ATF6: variants seen among roughly 807,000 people sequenced by gnomAD.
ATF6 encodes cyclic AMP-dependent transcription factor ATF-6 alpha.
In ATF6, 53 loss-of-function variants were observed where a neutral mutation model predicts 83.6. The ratio of observed to expected loss-of-function variants is 0.63; its 90% CI spans 0.51 to 0.80. The LOEUF is 0.80. Among genes scored for constraint, ATF6 ranks in the 30% least tolerant of loss-of-function variants. The pLI is 0.00. For missense variants in ATF6, 744 were observed against 797.9 expected (o/e 0.93, Z 0.81); for synonymous variants, 288 against 285.8 (o/e 1.01, Z -0.08).
chr1:161,831,338 C>G (rs1224965082), intron 9 of ATF6, among the ~76,000 whole-genome samples: 3 of 152,202 alleles, frequency 2.0e-5, no homozygotes, highest in Non-Finnish European at 4.4e-5. Context: ...CACTTTTACA[C>G]TGTTGGTGGG....
intron 2 of ATF6, among the ~76,000 whole-genome samples, chr1:161,780,712 GT>G (rs1326454513): frequency 6.6e-6 from 1 of 150,836 alleles, no homozygotes; most frequent in Non-Finnish European, 1.5e-5. Flanking sequence ...TGTTGTTGTT[GT>G]TTTGTTTTGT....
chr1:161,934,918 A>G (rs560343659), intron 15 of ATF6, among the ~76,000 whole-genome samples: 3 of 152,332 alleles, frequency 2.0e-5, no homozygotes, highest in Admixed American at 2.0e-4. Context: ...TCCCCAAAAC[A>G]GAATTACTTC....
intron 12 of ATF6, among the ~76,000 whole-genome samples, chr1:161,853,828 A>G (rs931778): frequency 0.49 from 75,172 of 151,976 alleles, 22,518 homozygotes; most frequent in Middle Eastern, 0.66. Flanking sequence ...GCCACAAAAC[A>G]CCATTAAGTC....
chr1:161,899,678 T>C (rs1341050812), intron 14 of ATF6, among the ~76,000 whole-genome samples: 2 of 152,208 alleles, frequency 1.3e-5, no homozygotes, highest in Admixed American at 6.5e-5. Context: ...AAAGTAAGTG[T>C]AGTCAACTCA....
intron 15 of ATF6, among the ~76,000 whole-genome samples, chr1:161,931,165 G>A (rs951982478): frequency 9.9e-5 from 15 of 152,244 alleles, no homozygotes; most frequent in South Asian, 6.2e-4. Context: ...GTGAGCCACC[G>A]CACCTGGCTG....
In ATF6 at chr1:161,821,156, T is replaced by A; in HGVS notation, c.1182T>A (p.Pro394=). 6.3e-7 allele frequency: 1 copy of A among 1,596,870 alleles called. No homozygotes were observed. The highest frequency in any genetic ancestry group is 8.6e-7 in the Non-Finnish European group (1 of 1,169,336). The change falls in exon 9 of 16, where the codon CCT becomes CCA. Residue 394 remains proline (P), a synonymous_variant. Coordinates refer to ENST00000367942, the MANE Select transcript of ATF6 (RefSeq NM_007348.4). ...CATTTATAATACTGAACTATGGACC[T>A]ATGAGGTAAGTGAATAGATATTTAT... ...VLAFIILNYG[P]MSMLEQDSRR... is the part of the protein sequence containing the mutation.
chr1:161,802,160 C>T lies in ATF6; in HGVS notation c.797C>T (p.Pro266Leu), dbSNP rs200983247. Reference protein sequence around the residue: ...LAVAGGVTQLPNHVVNVVPAP... With the variant: ...LAVAGGVTQLLNHVVNVVPAP... ...GTTGCTGGGGGAGTCACACAGCTCCCTAATCACGTGGTGAATGTGGTACCA... is the reference window on the plus strand; with the variant it reads ...GTTGCTGGGGGAGTCACACAGCTCCTTAATCACGTGGTGAATGTGGTACCA... The change falls in exon 7 of 16, where the codon CCT becomes CTT. Residue 266 changes from proline to leucine, a missense_variant. By Grantham distance (98) the Pro-to-Leu change is moderately conservative. Transcript: ENST00000367942. 19 of 1,613,988 alleles carry T rather than the reference C, an allele frequency of 1.2e-5. No homozygotes were observed. Among genetic ancestry groups the T allele is most frequent in the Non-Finnish European group, 1.7e-6 (2 of 1,180,012 alleles).
In ATF6 at chr1:161,952,107, T is replaced by C. The variant is rs527959598; in HGVS notation, c.1805-6339T>C. 1.1e-4 allele frequency among the ~76,000 whole-genome samples: 16 copies of C among 152,236 alleles called. No individual in the cohort carries two copies. In the South Asian group the frequency reaches 3.3e-3, roughly 32 times the overall value. On this transcript the variant is annotated intron_variant, in intron 15 of 15. Coordinates refer to ENST00000367942, the MANE Select transcript of ATF6 (RefSeq NM_007348.4). The stretch of plus-strand genomic sequence containing the variant: ...TCTCTTTTCCCATTATGCCCCTCCT[T>C]CTTAACACAGGTGTTCCCAGCATTC...
intron 15 of ATF6, among the ~76,000 whole-genome samples, chr1:161,913,933 T>G (rs777655395): frequency 6.6e-6 from 1 of 152,226 alleles, no homozygotes; most frequent in African/African-American, 2.4e-5. Context: ...GTGAGCTATC[T>G]TTATATTAAG....
chr1:161,909,102 A>G (rs1166528752), intron 14 of ATF6, among the ~76,000 whole-genome samples: 2 of 152,350 alleles, frequency 1.3e-5, no homozygotes, highest in Admixed American at 6.5e-5. Context: ...ATCCAAAATA[A>G]TAGTGGCTTA....
chr1:161,878,764 G>T (rs1687269257), intron 14 of ATF6, among the ~76,000 whole-genome samples: 1 of 152,118 alleles, frequency 6.6e-6, no homozygotes, highest in African/African-American at 2.4e-5. Context: ...TAAGATGAAG[G>T]ATTGGTTTTC....
At chr1:161,810,655 G>A (rs1244303658) in intron 7 of ATF6, among the ~76,000 whole-genome samples, 1 of 151,802 alleles carries the variant, frequency 6.6e-6, no homozygotes, top group Non-Finnish European at 1.5e-5. Flanking sequence ...CATTACATAA[G>A]GATCACCCTT....
intron 14 of ATF6, among the ~76,000 whole-genome samples, chr1:161,897,644 G>T (rs901138650): frequency 2.0e-5 from 3 of 152,140 alleles, no homozygotes; most frequent in Non-Finnish European, 4.4e-5. Context: ...TTTAGAGCTG[G>T]ACTGGTCAGT....
At chr1:161,877,871 G>A (rs1687247838) in intron 14 of ATF6, among the ~76,000 whole-genome samples, 1 of 152,088 alleles carries the variant, frequency 6.6e-6, no homozygotes, top group Admixed American at 6.6e-5. Context: ...GATATTAGAT[G>A]TGTTCAGATT....
intron 9 of ATF6, among the ~76,000 whole-genome samples, chr1:161,829,118 C>T (rs1685978705): frequency 6.6e-6 from 1 of 151,356 alleles, no homozygotes; most frequent in African/African-American, 2.4e-5. Flanking sequence ...TGCGGGAGCA[C>T]CCAGATTCAT....
chr1:161,932,697 C>G (rs1365048310), intron 15 of ATF6, among the ~76,000 whole-genome samples: 1 of 152,176 alleles, frequency 6.6e-6, no homozygotes, highest in Non-Finnish European at 1.5e-5. Flanking sequence ...TTCACAGTTT[C>G]TTTGGTTTAG....
chr1:161,836,100 A>C (rs1686206631), intron 9 of ATF6, among the ~76,000 whole-genome samples: 1 of 152,196 alleles, frequency 6.6e-6, no homozygotes, highest in Admixed American at 6.5e-5. Flanking sequence ...AGGAAAAGGT[A>C]ACCACGGAGC....
At chr1:161,905,433 C>T (rs934208165) in intron 14 of ATF6, among the ~76,000 whole-genome samples, 1 of 152,140 alleles carries the variant, frequency 6.6e-6, no homozygotes, top group Admixed American at 6.5e-5. Flanking sequence ...ACTCAATTTA[C>T]TGTAGTCATA....
At chr1:161,777,344 C>A (rs929774405) in intron 1 of ATF6, among the ~76,000 whole-genome samples, 1 of 152,174 alleles carries the variant, frequency 6.6e-6, no homozygotes, top group Admixed American at 6.5e-5. Context: ...ACTACGTATA[C>A]ATTTTTTTGC....
Sources: gnomAD v4.1 joint callset for allele counts (sites outside exome capture counted in the v4.1 genomes callset) on GRCh38, gnomAD v4.1.1 for gene constraint, MANE v1.5 for transcripts, NCBI Gene and HGNC (gene_info 2026-07-23, HGNC 2026-07-21) for gene names.